Variants in CGGBP1 observed in about 807,000 individuals in gnomAD.
CGGBP1 encodes CGG triplet repeat binding protein 1, also known as CGG triplet repeat-binding protein 1.
A neutral mutation model predicts 11.4 loss-of-function variants in CGGBP1; 4 were observed. The ratio of observed to expected loss-of-function variants is 0.35; its 90% CI spans 0.17 to 0.80. The LOEUF is 0.80. CGGBP1 is among the 30% of genes least tolerant of loss of function. The pLI is 0.52. For synonymous variants in CGGBP1, 76 were observed against 74.1 expected, an observed-to-expected ratio of 1.03 and a Z score of -0.13; for missense variants, 135 against 202.1, an observed-to-expected ratio of 0.67 and a Z score of 2.01.
At chr3:88,065,930 T>C (rs934556656) in intron 2 of CGGBP1, among the ~76,000 whole-genome samples, 3 of 152,126 alleles carry the variant, frequency 2.0e-5, no homozygotes, top group Non-Finnish European at 4.4e-5. Context: ...AGACGAGGTT[T>C]TACCATGATC....
chr3:88,130,617 A>AT (rs10674029), intron 2 of CGGBP1, among the ~76,000 whole-genome samples: 18,223 of 129,006 alleles, frequency 0.14, 1,449 homozygotes, highest in African/African-American at 0.15. Flanking sequence ...TGCCCAGCTA[A>AT]TTTTTTTTTT....
intron 2 of CGGBP1, chr3:88,134,938 C>A: frequency 1.7e-6 from 1 of 572,586 alleles, no homozygotes. Flanking sequence ...TGGGGGTGAA[C>A]GTAATACATA....
chr3:88,095,413 C>T (rs1704000561), intron 2 of CGGBP1: 2 of 340,008 alleles, frequency 5.9e-6, no homozygotes, highest in Non-Finnish European at 1.1e-5. Flanking sequence ...CCCTTTTAGC[C>T]CTTTGCTGTT....
intron 2 of CGGBP1, among the ~76,000 whole-genome samples, chr3:88,097,561 A>T (rs909534938): frequency 2.6e-5 from 4 of 152,126 alleles, no homozygotes; most frequent in Non-Finnish European, 5.9e-5. Context: ...ACTTATTCCA[A>T]AATTGACCAC....
At chr3:88,134,806 G>A (rs1330679129) in intron 2 of CGGBP1, among the ~76,000 whole-genome samples, 1 of 151,956 alleles carries the variant, frequency 6.6e-6, no homozygotes, top group Non-Finnish European at 1.5e-5. Flanking sequence ...TCTGATACTG[G>A]AGACATCTTA....
At chr3:88,127,444 G>GA (rs1706180527) in intron 2 of CGGBP1, among the ~76,000 whole-genome samples, 1 of 57,848 alleles carries the variant, frequency 1.7e-5, no homozygotes, top group African/African-American at 4.0e-5. Flanking sequence ...TGGAAAGGGA[G>GA]TTAAAAAAAA....
chr3:88,140,397 C>T (rs763673082), intron 2 of CGGBP1: 1 of 1,612,960 alleles, frequency 6.2e-7, no homozygotes, highest in South Asian at 1.1e-5. Context: ...AACTATTAGT[C>T]TGCCAGTTTC....
chr3:88,089,299 A>G (rs1169441495), intron 2 of CGGBP1, among the ~76,000 whole-genome samples: 5 of 150,858 alleles, frequency 3.3e-5, no homozygotes, highest in Non-Finnish European at 7.4e-5. Flanking sequence ...AGACCATCCT[A>G]GCCAACATGG....
intron 2 of CGGBP1, among the ~76,000 whole-genome samples, chr3:88,091,897 G>A (rs889804457): frequency 6.6e-6 from 1 of 152,100 alleles, no homozygotes; most frequent in East Asian, 1.9e-4. Flanking sequence ...CTTCATAAAT[G>A]ACCCAGTCTC....
intron 1 of CGGBP1, among the ~76,000 whole-genome samples, chr3:88,145,650 CAATT>C (rs1347550630): frequency 6.6e-6 from 1 of 152,068 alleles, no homozygotes; most frequent in African/African-American, 2.4e-5. Flanking sequence ...TACCAAGAAT[CAATT>C]GATAAAACAG....
intron 2 of CGGBP1, among the ~76,000 whole-genome samples, chr3:88,073,741 T>C (rs553152545): frequency 1.2e-3 from 182 of 152,260 alleles, no homozygotes; most frequent in Non-Finnish European, 2.3e-3. Context: ...GTTTGAAGAG[T>C]TAGTGCATTC....
intron 2 of CGGBP1, among the ~76,000 whole-genome samples, chr3:88,101,058 A>G (rs944759395): frequency 6.6e-6 from 1 of 152,202 alleles, no homozygotes; most frequent in African/African-American, 2.4e-5. Context: ...TATATTGTCA[A>G]TCTTGTTTCA....
At chr3:88,095,932 C>G (rs555149598) in intron 2 of CGGBP1, 1 of 369,660 alleles carries the variant, frequency 2.7e-6, no homozygotes, top group African/African-American at 2.2e-5. Context: ...TCTTCATTCT[C>G]TGATGAAATG....
chr3:88,131,435 GCTATATCACACTATTTAAA>G (rs1706457687), intron 2 of CGGBP1, among the ~76,000 whole-genome samples: 1 of 152,126 alleles, frequency 6.6e-6, no homozygotes. Flanking sequence ...TCTGCCCTGA[GCTATATCACACTATTTAAA>G]CAGGGTATCT....
intron 2 of CGGBP1, among the ~76,000 whole-genome samples, chr3:88,127,523 T>C (rs115889904): frequency 0.057 from 8,671 of 151,270 alleles, 276 homozygotes; most frequent in Admixed American, 0.079. Flanking sequence ...AAGAGTCAAA[T>C]ATAGGGAAGG....
At chr3:88,145,571 AACT>A (rs1198542512) in intron 1 of CGGBP1, among the ~76,000 whole-genome samples, 3 of 152,132 alleles carry the variant, frequency 2.0e-5, no homozygotes, top group Admixed American at 6.6e-5. Flanking sequence ...TCTGGGAAGC[AACT>A]ACTACTAAAT....
intron 2 of CGGBP1, chr3:88,126,344 A>G: frequency 7.8e-7 from 1 of 1,283,478 alleles, no homozygotes; most frequent in Non-Finnish European, 9.9e-7. Flanking sequence ...CTAGAGCAGT[A>G]ATAGTAATTT....
chr3:88,131,305 T>C (rs1416828807), intron 2 of CGGBP1, among the ~76,000 whole-genome samples: 2 of 152,230 alleles, frequency 1.3e-5, no homozygotes, highest in East Asian at 3.8e-4. Context: ...TGAAATGTTG[T>C]TACACTGCGT....
chr3:88,073,526 G>C (rs1707631317), intron 2 of CGGBP1, among the ~76,000 whole-genome samples: 1 of 152,202 alleles, frequency 6.6e-6, no homozygotes, highest in African/African-American at 2.4e-5. Flanking sequence ...GGCTGAATAA[G>C]TGGCTGGAAC....
Sources: gnomAD v4.1 joint callset for allele counts (sites outside exome capture counted in the v4.1 genomes callset) on GRCh38, gnomAD v4.1.1 for gene constraint, MANE v1.5 for transcripts, NCBI Gene and HGNC (gene_info 2026-07-23, HGNC 2026-07-21) for gene names.